CHEK2: variants seen among roughly 807,000 people sequenced by gnomAD.
CHEK2 encodes checkpoint kinase 2.
Under a neutral mutation model 69.1 loss-of-function variants are expected in CHEK2, and 71 were observed. That is an observed-to-expected ratio of 1.03 (90% CI 0.85 to 1.25). The LOEUF is 1.25. CHEK2 is among the 50% of genes most tolerant of loss of function. CHEK2 has a pLI of 0.00. For missense variants in CHEK2, 664 were observed against 649.6 expected (o/e 1.02, Z -0.24); for synonymous variants, 189 against 226.9 (o/e 0.83, Z 1.50).
intron 5 of CHEK2, among the ~76,000 whole-genome samples, chr22:28,718,374 C>T (rs1173306778): frequency 2.0e-5 from 3 of 151,832 alleles, no homozygotes; most frequent in Non-Finnish European, 4.4e-5. Context: ...ATAAAGGTTC[C>T]CCAAAAAGCT....
intron 4 of CHEK2, chr22:28,721,669 A>T (rs1362218976): frequency 2.2e-6 from 1 of 451,390 alleles, no homozygotes; most frequent in East Asian, 7.0e-5. Context: ...GAGGTAATGC[A>T]TGTTAGCTCA....
intron 4 of CHEK2, among the ~76,000 whole-genome samples, chr22:28,723,457 G>A (rs1237477222): frequency 1.3e-5 from 2 of 151,878 alleles, no homozygotes; most frequent in African/African-American, 2.4e-5. Flanking sequence ...AATTAGGTGG[G>A]CGTGGTGGCG....
rs528212692 is a variant in CHEK2 at position 28,697,915 on chromosome 22, C to CTG, written c.1009-930_1009-929dup. ...AACAAAATTTTCACATATCCACAAA[C>CTG]TGTACTCAATTCATGTTAATATTCT... On this transcript the variant is annotated intron_variant, in intron 9 of 14. Coordinates refer to ENST00000404276, the MANE Select transcript of CHEK2 (RefSeq NM_007194.4). 1.2e-3 allele frequency among the ~76,000 whole-genome samples: 188 copies of CTG among 151,794 alleles called. 1 individual carries two copies. The highest frequency in any genetic ancestry group is 3.2e-3 in the African/African-American group (134 of 41,376).
At chr22:28,714,766 T>C (rs1205343625) in intron 5 of CHEK2, among the ~76,000 whole-genome samples, 1 of 152,214 alleles carries the variant, frequency 6.6e-6, no homozygotes, top group Non-Finnish European at 1.5e-5. Context: ...TGTATAGTTT[T>C]ACCTCTTATA....
At position 28,706,792 on chromosome 22, in the gene CHEK2, G is replaced by A. The variant is rs568889566; in HGVS notation, c.846+3214C>T. On this transcript the variant is annotated intron_variant, in intron 7 of 14. Transcript: ENST00000404276. ...AAATTAGCTGAGCCTGGTGGTGGGC[G>A]CCTGTAATCCCAGCTAGTCAGGAGG... 8.6e-4 allele frequency among the ~76,000 whole-genome samples: 131 copies of A among 152,142 alleles called. 1 individual carries two copies. The highest frequency in any genetic ancestry group is 3.0e-3 in the African/African-American group (124 of 41,514).
chr22:28,730,267 GAAA>G (rs1196114818), intron 2 of CHEK2, among the ~76,000 whole-genome samples: 1 of 141,726 alleles, frequency 7.1e-6, no homozygotes, highest in Non-Finnish European at 1.5e-5. Flanking sequence ...GGGAGGGGAG[GAAA>G]GGAAAGCGGA....
rs140915547 is a variant in CHEK2, at chr22:28,735,275, G to A, written c.-6-548C>T. On this transcript the variant is annotated intron_variant, in intron 1 of 14. Transcript: ENST00000404276. The stretch of plus-strand genomic sequence containing the variant: ...CAAAAAATTAGCCAGGCGTGGTGGC[G>A]GGCACCTGTATTCTCAGCTACTCGG... 7.4e-3 allele frequency among the ~76,000 whole-genome samples: 1,129 copies of A among 151,820 alleles called. 16 individuals carry two copies. The highest frequency in any genetic ancestry group is 0.026 in the African/African-American group (1,088 of 41,402).
chr22:28,689,204 C>T lies in CHEK2; in HGVS notation c.1473G>A (p.Met491Ile), dbSNP rs2145750599. The change falls in exon 14 of 15, where the codon ATG becomes ATA. Residue 491 changes from methionine (M) to isoleucine (I), a missense_variant. Transcript: ENST00000404276. ...LRHPWLQDED[M>I]KRKFQDLLSE... ...ACAGAAGATCTTGAAACTTTCTCTT[C>T]ATGTCTTCATCCTGTGAGGGAATTA... 3 of 1,583,208 alleles carry T rather than the reference C, an allele frequency of 1.9e-6. No individual in the cohort carries two copies. The highest frequency in any genetic ancestry group is 2.6e-6 in the Non-Finnish European group (3 of 1,167,892).
chr22:28,706,751 T>G (rs1284355714), intron 7 of CHEK2, among the ~76,000 whole-genome samples: 1 of 151,996 alleles, frequency 6.6e-6, no homozygotes, highest in East Asian at 1.9e-4. Flanking sequence ...AAACCCCATC[T>G]CTACTAAAAA....
rs371418985 is a variant in CHEK2 at position 28,695,737 on chromosome 22, C to T, written c.1232G>A (p.Trp411Ter). The change falls in exon 11 of 15, where the codon TGG becomes TAG. Residue 411 changes from tryptophan (W) to a stop codon, truncating the protein, a stop_gained. Coordinates refer to ENST00000404276, the MANE Select transcript of CHEK2 (RefSeq NM_007194.4). LOFTEE classifies it high-confidence loss of function. ...TAGYNRAVDC[W>*]SLGVILFICL... ...GATAAAAAGAATAACTCCTAAACTC[C>T]AGCAGTCCACAGCACGGTTATACCC... 3.1e-6 allele frequency: 5 copies of T among 1,613,818 alleles called. No homozygotes were observed. Among genetic ancestry groups the T allele is most frequent in the Middle Eastern group, 1.7e-4 (1 of 6,056 alleles).
chr22:28,727,081 G>A (rs1012771978), intron 2 of CHEK2, among the ~76,000 whole-genome samples: 6 of 152,010 alleles, frequency 3.9e-5, no homozygotes, highest in South Asian at 2.1e-4. Context: ...TCGCTCTGTC[G>A]CCCAGGCTGG....
intron 13 of CHEK2, among the ~76,000 whole-genome samples, chr22:28,692,092 A>T (rs1268929392): frequency 3.3e-5 from 5 of 152,192 alleles, no homozygotes; most frequent in African/African-American, 9.7e-5. Context: ...TTGGTTGTTA[A>T]TAAGTTTTCT....
At position 28,739,532 on chromosome 22, in the gene CHEK2, T is replaced by C. The variant is rs142648656; in HGVS notation, c.-7+2237A>G. Among the ~76,000 whole-genome samples, 674 of 149,662 alleles carry C rather than the reference T, an allele frequency of 4.5e-3. 2 individuals carry two copies. Among genetic ancestry groups the C allele is most frequent in the African/African-American group, 0.015 (612 of 40,788 alleles). The stretch of plus-strand genomic sequence containing the variant: ...TGGTGAAACCTGTCTCCACTAAAAA[T>C]ATGAAAATTAGCTGGGCATGGTGGC... On this transcript the variant is annotated intron_variant, in intron 1 of 14. Coordinates refer to ENST00000404276, the MANE Select transcript of CHEK2 (RefSeq NM_007194.4).
At chr22:28,702,442 G>C (rs1274793940) in intron 8 of CHEK2, among the ~76,000 whole-genome samples, 6 of 150,552 alleles carry the variant, frequency 4.0e-5, no homozygotes, top group Admixed American at 3.3e-4. Flanking sequence ...GTTTCACCGT[G>C]TTAGCCAGGA....
At position 28,711,976 on chromosome 22, in the gene CHEK2, G is replaced by A. The variant is rs765136136; in HGVS notation, c.725C>T (p.Thr242Ile). Reference sequence around the variant, plus strand: ...GATCTTTATGGCTACTTTCTTACATGTTTTCCTCTCGAAAGCCAGCTTTAC... The same window carrying A: ...GATCTTTATGGCTACTTTCTTACATATTTTCCTCTCGAAAGCCAGCTTTAC... ...GEVKLAFERK[T>I]CKKVAIKIIS... Residue 242 changes from threonine to isoleucine, a missense_variant, in exon 6 of 15, where the codon ACA becomes ATA. Transcript: ENST00000404276. 1 of 1,613,918 alleles carries A rather than the reference G, an allele frequency of 6.2e-7. No individual in the cohort carries two copies. Among genetic ancestry groups the A allele is most frequent in the Non-Finnish European group, 8.5e-7 (1 of 1,179,946 alleles).
intron 5 of CHEK2, among the ~76,000 whole-genome samples, chr22:28,714,773 T>G (rs1250717743): frequency 6.6e-6 from 1 of 152,214 alleles, no homozygotes; most frequent in African/African-American, 2.4e-5. Context: ...TTTTACCTCT[T>G]ATATTTCATT....
rs534063678 is a variant in CHEK2, at chr22:28,706,872, T to C, written c.846+3134A>G. On this transcript the variant is annotated intron_variant, in intron 7 of 14. Coordinates refer to ENST00000404276, the MANE Select transcript of CHEK2 (RefSeq NM_007194.4). ...CGGAGGTTGCAGTAAGCCGAGATCA[T>C]GCCACTGCACTCCAGCCTGGGCAAC... Among the ~76,000 whole-genome samples the C allele has an allele frequency of 2.7e-4, 41 of 152,188 alleles. No homozygotes were observed. The East Asian group carries it at 7.7e-3, about 29-fold the overall frequency.
At chr22:28,722,539 C>CAAAAAAA (rs755107963) in intron 4 of CHEK2, among the ~76,000 whole-genome samples, 8 of 67,914 alleles carry the variant, frequency 1.2e-4, no homozygotes, top group African/African-American at 2.2e-4. Context: ...GACTCCGTCT[C>CAAAAAAA]AAAAAAAAAA....
chr22:28,721,352 T>C (rs1295104374), intron 4 of CHEK2, among the ~76,000 whole-genome samples: 1 of 136,180 alleles, frequency 7.3e-6, no homozygotes, highest in Non-Finnish European at 1.5e-5. Flanking sequence ...AATGGTGCAA[T>C]CTTGGCTCAC....
Sources: allele counts gnomAD v4.1 joint callset (sites outside exome capture counted in the v4.1 genomes callset), GRCh38; gene constraint gnomAD v4.1.1; transcripts MANE v1.5; gene names NCBI Gene and HGNC (gene_info 2026-07-23, HGNC 2026-07-21).